CEP350: variants seen among roughly 807,000 people sequenced by gnomAD.
CEP350 encodes centrosomal protein 350.
Under a neutral mutation model 331.8 loss-of-function variants are expected in CEP350, and 126 were observed. The ratio of observed to expected loss-of-function variants is 0.38; its 90% CI spans 0.33 to 0.44. The LOEUF (loss-of-function observed/expected upper bound fraction) is 0.44. Among genes scored for constraint, CEP350 ranks in the 20% least tolerant of loss-of-function variants. The probability of loss-of-function intolerance (pLI) is 1.00; values close to 1 mark genes in which losing one functional copy is unlikely to be tolerated. For synonymous variants in CEP350, 1,200 were observed against 1,259.5 expected, an observed-to-expected ratio of 0.95 and a Z score of 1.00; for missense variants, 3,406 against 3,634.6, an observed-to-expected ratio of 0.94 and a Z score of 1.62.
At chr1:179,961,318 C>T (rs902773521) in intron 1 of CEP350, among the ~76,000 whole-genome samples, 3 of 151,942 alleles carry the variant, frequency 2.0e-5, no homozygotes, top group African/African-American at 4.8e-5. Flanking sequence ...CGTGGTGGCG[C>T]GCACCTGTAA....
At chr1:179,994,425 CTTTCTTTTTTCT>C (rs887613582) in intron 5 of CEP350, among the ~76,000 whole-genome samples, 37 of 149,968 alleles carry the variant, frequency 2.5e-4, no homozygotes, top group East Asian at 2.1e-3. Context: ...AGCCCTATCT[CTTTCTTTTTTCT>C]TTTCTTTTTT....
chr1:180,064,237 T>C (rs569965911), intron 26 of CEP350, among the ~76,000 whole-genome samples: 34 of 152,296 alleles, frequency 2.2e-4, no homozygotes, highest in Non-Finnish European at 4.7e-4. Flanking sequence ...TGTGACATTC[T>C]TGTTGGCCTT....
chr1:180,107,234 T>C (rs1661195149), intron 37 of CEP350, among the ~76,000 whole-genome samples: 1 of 152,152 alleles, frequency 6.6e-6, no homozygotes, highest in African/African-American at 2.4e-5. Flanking sequence ...CACAGCCTAG[T>C]GGGAAAACAG....
chr1:180,098,232 G>T (rs918462961), intron 36 of CEP350, among the ~76,000 whole-genome samples: 2 of 152,208 alleles, frequency 1.3e-5, no homozygotes, highest in Admixed American at 6.5e-5. Flanking sequence ...GCCTTTCAAA[G>T]TGCTGGGATT....
chr1:180,033,661 C>T (rs1048021176), intron 15 of CEP350, among the ~76,000 whole-genome samples: 1 of 152,148 alleles, frequency 6.6e-6, no homozygotes, highest in Non-Finnish European at 1.5e-5. Context: ...CTTGCTTGTT[C>T]ACCACTGTAA....
At chr1:180,105,700 A>G (rs867123727) in intron 37 of CEP350, among the ~76,000 whole-genome samples, 130 of 152,322 alleles carry the variant, frequency 8.5e-4, no homozygotes, top group African/African-American at 2.7e-3. Context: ...TGTGTATGCA[A>G]TAAATCCCAT....
At chr1:180,077,398 G>A (rs1659292917) in intron 28 of CEP350, among the ~76,000 whole-genome samples, 1 of 151,730 alleles carries the variant, frequency 6.6e-6, no homozygotes, top group Admixed American at 6.6e-5. Context: ...AACAGCCTGG[G>A]CACAGTGGCT....
intron 27 of CEP350, among the ~76,000 whole-genome samples, chr1:180,066,545 C>A (rs1658559776): frequency 6.6e-6 from 1 of 152,008 alleles, no homozygotes; most frequent in South Asian, 2.1e-4. Flanking sequence ...TCTATATTGG[C>A]ACTTCATTGC....
At chr1:180,109,281 G>A (rs1275394040) in intron 37 of CEP350, among the ~76,000 whole-genome samples, 1 of 151,742 alleles carries the variant, frequency 6.6e-6, no homozygotes, top group African/African-American at 2.4e-5. Flanking sequence ...AACCACACCC[G>A]GCTAATTTTT....
chr1:180,032,246 C>CA (rs1656074978), intron 15 of CEP350, among the ~76,000 whole-genome samples: 1 of 152,108 alleles, frequency 6.6e-6, no homozygotes, highest in Admixed American at 6.6e-5. Context: ...TGAGAAGACA[C>CA]AGATTTATTT....
Position 179,990,571 on chromosome 1 carries a change from T to C in CEP350, c.185T>C (p.Met62Thr), listed in dbSNP as rs765087167. ...PTSTAVCDSV[M>T]DTKKSSTSAT... ...AGTACAGCTGTGTGTGATTCTGTCA[T>C]GGATACCAAGAAGTCTTCTACAAGT... Residue 62 changes from methionine to threonine, a missense_variant, in exon 4 of 38, where the codon ATG becomes ACG. Around this residue, in one of 5 missense-constraint regions of CEP350, gnomAD observed 1,857 missense variants for 1,909.2 expected, o/e 0.97. Coordinates refer to ENST00000367607, the MANE Select transcript of CEP350 (RefSeq NM_014810.5). 1 of 1,606,520 alleles carries C rather than the reference T, an allele frequency of 6.2e-7. No individual in the cohort carries two copies. The highest frequency in any genetic ancestry group is 8.5e-7 in the Non-Finnish European group (1 of 1,175,968).
At chr1:180,065,709 G>A (rs1300837403) in intron 27 of CEP350, among the ~76,000 whole-genome samples, 2 of 151,912 alleles carry the variant, frequency 1.3e-5, no homozygotes, top group Non-Finnish European at 2.9e-5. Context: ...AGTGAGCTAT[G>A]ATTGTGCCAC....
In CEP350 at chr1:180,013,906, C is replaced by G. The variant is rs1277389105; in HGVS notation, c.1453C>G (p.Gln485Glu). The change falls in exon 10 of 38, where the codon CAA (glutamine) becomes GAA (glutamate). Residue 485 changes from glutamine to glutamate, a missense_variant. Physicochemically the swap from Gln to Glu is conservative, Grantham distance 29 (BLOSUM62 2). This residue lies in a region of CEP350 where 1,857 missense variants were observed against 1,909.2 expected (regional missense o/e 0.97). Coordinates refer to ENST00000367607, the MANE Select transcript of CEP350 (RefSeq NM_014810.5). ...GTTGGACGTTTTACATAGACATCTT[C>G]AAAGAAACTCAGAACGTTCGAGAAG... ...PRLDVLHRHL[Q>E]RNSERSRSKS... The G allele has an allele frequency of 6.2e-7, 1 of 1,613,442 alleles. No homozygotes were observed. Among genetic ancestry groups the G allele is most frequent in the Non-Finnish European group, 8.5e-7 (1 of 1,179,804 alleles).
Position 180,092,697 on chromosome 1 carries a change from C to G in CEP350, c.6592C>G (p.Arg2198Gly), listed in dbSNP as rs551598087. 23 of 1,612,404 alleles carry G rather than the reference C, an allele frequency of 1.4e-5. No individual in the cohort carries two copies. The African/African-American group carries it at 1.7e-4, about 12-fold the overall frequency. The change falls in exon 34 of 38, where the codon CGA becomes GGA. Residue 2198 changes from arginine (R) to glycine (G), a missense_variant. Coordinates refer to ENST00000367607, the MANE Select transcript of CEP350 (RefSeq NM_014810.5). ...AAAGAGAGTAAATGAATGGGACAGT[C>G]GAACAGAAGATTTTCAGACCCCATC... ...YAKRVNEWDS[R>G]TEDFQTPSPV...
chr1:180,103,999 T>A (rs1660995855), intron 37 of CEP350, among the ~76,000 whole-genome samples: 1 of 147,076 alleles, frequency 6.8e-6, no homozygotes, highest in African/African-American at 2.5e-5. Flanking sequence ...AAATATATAT[T>A]TTAAAATATA....
Position 180,044,156 on chromosome 1 carries a change from C to T in CEP350, c.4605C>T (p.Tyr1535=), listed in dbSNP as rs745787647. The change falls in exon 21 of 38, where the codon TAC becomes TAT. Residue 1535 remains tyrosine, a synonymous_variant. Coordinates refer to ENST00000367607, the MANE Select transcript of CEP350 (RefSeq NM_014810.5). ...SYDSYSESSG[Y]KNHDRRSSSG... ...ATAGTTATTCTGAGTCTTCAGGATA[C>T]AAGAATCATGATAGAAGGTGAAGAC... The T allele has an allele frequency of 1.1e-5, 18 of 1,565,900 alleles. No homozygotes were observed. The East Asian group carries it at 1.2e-4, about 10-fold the overall frequency.
At chr1:180,045,419 A>G (rs1657058510) in intron 21 of CEP350, among the ~76,000 whole-genome samples, 1 of 152,180 alleles carries the variant, frequency 6.6e-6, no homozygotes, top group African/African-American at 2.4e-5. Context: ...TTATGGTTCC[A>G]TCTTGGGATT....
In CEP350 at chr1:180,076,935, A is replaced by G. The variant is rs117644926; in HGVS notation, c.5768-1528A>G. ...AAACCTATAATAGATACCGTACTTA[A>G]TGATAAAATATAGAAAGTTCTTTTG... On this transcript the variant is annotated intron_variant, in intron 28 of 37. Transcript: ENST00000367607. Among the ~76,000 whole-genome samples, 583 of 152,330 alleles carry G rather than the reference A, an allele frequency of 3.8e-3. 23 individuals are homozygous for G. The highest frequency in any genetic ancestry group is 0.03 in the East Asian group (155 of 5,196).
chr1:180,064,092 T>A (rs993894877), intron 26 of CEP350, among the ~76,000 whole-genome samples: 1 of 152,134 alleles, frequency 6.6e-6, no homozygotes, highest in Non-Finnish European at 1.5e-5. Context: ...ACTCCCCAAG[T>A]TGGGCTATTC....
Sources: gnomAD v4.1 joint callset for allele counts (sites outside exome capture counted in the v4.1 genomes callset) on GRCh38, gnomAD v4.1.1 for gene constraint, gnomAD v4.1.1 regional missense constraint, MANE v1.5 for transcripts, NCBI Gene and HGNC (gene_info 2026-07-23, HGNC 2026-07-21) for gene names.